VEPH1: variants seen among roughly 807,000 people sequenced by gnomAD.
VEPH1 encodes ventricular zone-expressed PH domain-containing protein homolog 1.
VEPH1 carries 80 observed loss-of-function variants against 85.2 expected under a neutral mutation model. That is an observed-to-expected ratio of 0.94 (90% CI 0.78 to 1.13). The LOEUF (loss-of-function observed/expected upper bound fraction) is 1.13, where lower values mean the gene tolerates loss of function less well. Among genes scored for constraint, VEPH1 ranks in the 50% most tolerant of loss-of-function variants. VEPH1 has a pLI of 0.00. For missense variants in VEPH1, 955 were observed against 980.5 expected (o/e 0.97, Z 0.35); for synonymous variants, 297 against 348.0 (o/e 0.85, Z 1.63).
At chr3:157,313,156 G>A (rs941656951) in intron 11 of VEPH1, among the ~76,000 whole-genome samples, 6 of 151,574 alleles carry the variant, frequency 4.0e-5, no homozygotes, top group African/African-American at 1.5e-4. Flanking sequence ...CGCCCGCCTC[G>A]GCCTCCCAAA....
At chr3:157,331,398 C>T (rs1481710237) in intron 9 of VEPH1, among the ~76,000 whole-genome samples, 1 of 152,172 alleles carries the variant, frequency 6.6e-6, no homozygotes, top group Non-Finnish European at 1.5e-5. Context: ...CACTTCTTAC[C>T]CCCATTGCGT....
intron 4 of VEPH1, chr3:157,436,859 C>T: frequency 6.6e-7 from 1 of 1,518,298 alleles, no homozygotes. Context: ...CACTCTCACT[C>T]TCCTCCGCTC....
chr3:157,470,793 A>G (rs935382446), intron 2 of VEPH1, among the ~76,000 whole-genome samples: 14 of 152,260 alleles, frequency 9.2e-5, no homozygotes, highest in Non-Finnish European at 1.0e-4. Flanking sequence ...GCGCTTAACT[A>G]TTCACTTGCA....
At chr3:157,406,765 A>G (rs546594014) in intron 6 of VEPH1, among the ~76,000 whole-genome samples, 1 of 152,246 alleles carries the variant, frequency 6.6e-6, no homozygotes, top group South Asian at 2.1e-4. Flanking sequence ...TTTGTAAAAA[A>G]AATTTTAAAG....
intron 4 of VEPH1, among the ~76,000 whole-genome samples, chr3:157,453,767 A>T (rs1171827293): frequency 6.6e-6 from 1 of 152,212 alleles, no homozygotes; most frequent in Non-Finnish European, 1.5e-5. Flanking sequence ...TCTGCTTTGC[A>T]ACTTAAAGTT....
intron 11 of VEPH1, among the ~76,000 whole-genome samples, chr3:157,310,961 T>C (rs1478318322): frequency 1.3e-5 from 2 of 152,184 alleles, no homozygotes; most frequent in Non-Finnish European, 2.9e-5. Flanking sequence ...CGCAAGGGTA[T>C]GTGTATCAGT....
At chr3:157,311,186 T>C (rs1720072305) in intron 11 of VEPH1, among the ~76,000 whole-genome samples, 1 of 152,340 alleles carries the variant, frequency 6.6e-6, no homozygotes, top group Non-Finnish European at 1.5e-5. Flanking sequence ...CTGATAATTT[T>C]TAGTTCTAAA....
intron 11 of VEPH1, among the ~76,000 whole-genome samples, chr3:157,306,847 GT>G (rs1258768633): frequency 6.6e-6 from 1 of 151,946 alleles, no homozygotes; most frequent in Admixed American, 6.6e-5. Flanking sequence ...CCAATATGTA[GT>G]TTTTTAGCTT....
intron 7 of VEPH1, among the ~76,000 whole-genome samples, chr3:157,367,789 G>A (rs953035211): frequency 2.0e-5 from 3 of 152,166 alleles, no homozygotes; most frequent in Admixed American, 6.5e-5. Flanking sequence ...GGGACTACAG[G>A]TGTGTGCCGC....
intron 6 of VEPH1, among the ~76,000 whole-genome samples, chr3:157,404,945 GA>G (rs1204372867): frequency 1.3e-5 from 2 of 152,194 alleles, no homozygotes; most frequent in East Asian, 3.8e-4. Context: ...CCTTTCTGGT[GA>G]ATCTGAGATT....
chr3:157,480,712 G>C (rs1020774808), intron 2 of VEPH1, among the ~76,000 whole-genome samples: 1 of 152,046 alleles, frequency 6.6e-6, no homozygotes, highest in Admixed American at 6.6e-5. Flanking sequence ...TGACCACCTA[G>C]GTTGATTCCA....
intron 9 of VEPH1, 82 bp downstream of exon 9, chr3:157,363,282 G>A: frequency 1.5e-6 from 2 of 1,330,780 alleles, no homozygotes; most frequent in Non-Finnish European, 2.0e-6. Flanking sequence ...AAAAGAGTAT[G>A]CTAATTTACC....
chr3:157,329,312 T>C (rs1228885799), intron 9 of VEPH1, among the ~76,000 whole-genome samples: 1 of 152,218 alleles, frequency 6.6e-6, no homozygotes. Context: ...AAGATATTAC[T>C]GTTTTCCAGT....
chr3:157,401,683 C>T (rs941333439), intron 6 of VEPH1, among the ~76,000 whole-genome samples: 1 of 151,944 alleles, frequency 6.6e-6, no homozygotes, highest in Non-Finnish European at 1.5e-5. Context: ...GGTACCTTAC[C>T]CACCAAACCT....
chr3:157,484,485 A>G (rs1248004865), intron 2 of VEPH1, among the ~76,000 whole-genome samples: 1 of 152,222 alleles, frequency 6.6e-6, no homozygotes, highest in Admixed American at 6.5e-5. Context: ...TTTAAAATGT[A>G]TACTTCAGAA....
intron 3 of VEPH1, among the ~76,000 whole-genome samples, chr3:157,468,849 C>A (rs144257320): frequency 1.3e-5 from 2 of 151,780 alleles, no homozygotes; most frequent in East Asian, 3.9e-4. Flanking sequence ...TAAATATATT[C>A]GTATTCTTTT....
intron 6 of VEPH1, among the ~76,000 whole-genome samples, chr3:157,395,832 A>T (rs1174680649): frequency 6.6e-6 from 1 of 151,938 alleles, no homozygotes; most frequent in Non-Finnish European, 1.5e-5. Flanking sequence ...CCAGTACCCA[A>T]TAGTTATCTT....
intron 7 of VEPH1, among the ~76,000 whole-genome samples, chr3:157,368,476 G>GTTTTTTTTTTTT (rs59050089): frequency 3.6e-5 from 5 of 140,384 alleles, no homozygotes; most frequent in South Asian, 2.2e-4. Flanking sequence ...TAAACAATAA[G>GTTTTTTTTTTTT]TTTTTTGTTT....
chr3:157,411,044 CA>C (rs1396015167), intron 6 of VEPH1, among the ~76,000 whole-genome samples: 2 of 152,276 alleles, frequency 1.3e-5, no homozygotes, highest in African/African-American at 4.8e-5. Context: ...GGATTGTAAA[CA>C]AAAGGTTGTG....
Sources: gnomAD v4.1 joint callset for allele counts (sites outside exome capture counted in the v4.1 genomes callset) on GRCh38, gnomAD v4.1.1 for gene constraint, MANE v1.5 for transcripts, NCBI Gene and HGNC (gene_info 2026-07-23, HGNC 2026-07-21) for gene names.